The following FRMD5 variants were observed in gnomAD, a reference collection of about 807,000 sequenced individuals.
The protein encoded by FRMD5 is FERM domain containing 5.
Under a neutral mutation model 69.0 loss-of-function variants are expected in FRMD5, and 20 were observed. The ratio of observed to expected loss-of-function variants is 0.29; its 90% CI spans 0.20 to 0.42. The LOEUF (loss-of-function observed/expected upper bound fraction) is 0.42. Ranked by LOEUF, FRMD5 falls within the 10% of genes least tolerant of loss-of-function variation. FRMD5 has a pLI of 1.00. For synonymous variants in FRMD5, 271 were observed against 260.1 expected (o/e 1.04, Z -0.40); for missense variants, 595 against 708.6 (o/e 0.84, Z 1.82).
chr15:43,999,359 C>G (rs984182095), intron 1 of FRMD5, among the ~76,000 whole-genome samples: 3 of 152,274 alleles, frequency 2.0e-5, no homozygotes, highest in Middle Eastern at 3.4e-3. Flanking sequence ...TGAGCCACCG[C>G]ACTCAGCCTT....
intron 1 of FRMD5, among the ~76,000 whole-genome samples, chr15:44,023,777 AT>A (rs1359482316): frequency 1.3e-5 from 2 of 152,230 alleles, no homozygotes; most frequent in African/African-American, 4.8e-5. Flanking sequence ...AAAATGGATC[AT>A]TTTAAAGCTC....
Position 43,939,041 on chromosome 15 carries a change from T to G in FRMD5, c.103-14732A>C, listed in dbSNP as rs2089814876. ...CACATCCGGCTAATTTTTTTTTTTT[T>G]TGTATTTTTAGTAGAGATGGAGTTT... is the stretch of plus-strand genomic sequence containing the variant. On this transcript the variant is annotated intron_variant, in intron 1 of 13. Transcript: ENST00000417257. Among the ~76,000 whole-genome samples the G allele has an allele frequency of 2.0e-5, 3 of 151,934 alleles. No individual in the cohort carries two copies. The South Asian group carries it at 6.3e-4, about 32-fold the overall frequency.
intron 1 of FRMD5, among the ~76,000 whole-genome samples, chr15:43,976,572 C>G (rs958865474): frequency 1.3e-5 from 2 of 152,192 alleles, no homozygotes; most frequent in Non-Finnish European, 2.9e-5. Flanking sequence ...AATGGCCAAA[C>G]AGGTTTATTT....
intron 1 of FRMD5, among the ~76,000 whole-genome samples, chr15:44,045,037 G>A (rs1015800419): frequency 1.3e-5 from 2 of 152,160 alleles, no homozygotes; most frequent in African/African-American, 2.4e-5. Context: ...AAATAAAACT[G>A]TGACACATAA....
intron 5 of FRMD5, among the ~76,000 whole-genome samples, chr15:43,909,564 G>A (rs375257674): frequency 5.9e-5 from 9 of 152,034 alleles, no homozygotes; most frequent in African/African-American, 2.2e-4. Flanking sequence ...CACTGCAACC[G>A]CCACCTCCTG....
At chr15:44,138,962 T>TCC (rs1251940313) in intron 1 of FRMD5, among the ~76,000 whole-genome samples, 1 of 151,762 alleles carries the variant, frequency 6.6e-6, no homozygotes, top group African/African-American at 2.4e-5. Context: ...GAGTGGGGAG[T>TCC]AGGCCAGCAC....
intron 1 of FRMD5, among the ~76,000 whole-genome samples, chr15:44,085,092 T>C (rs1399610619): frequency 6.6e-6 from 1 of 152,206 alleles, no homozygotes; most frequent in African/African-American, 2.4e-5. Flanking sequence ...GTCATTTATA[T>C]AGATTCTTAT....
rs573172140 is a variant in FRMD5 at position 44,105,745 on chromosome 15, C to T, written c.102+89208G>A. 1.3e-5 allele frequency among the ~76,000 whole-genome samples: 2 copies of T among 152,182 alleles called. 1 individual carries two copies. The highest frequency in any genetic ancestry group is 4.8e-5 in the African/African-American group (2 of 41,532). ...CAACTTAGTCTTTAAAAAAATGGAC[C>T]TATTTTTTACCTTCATTAGCTTCGA... On this transcript the variant is annotated intron_variant, in intron 1 of 13. Transcript: ENST00000417257.
intron 7 of FRMD5, among the ~76,000 whole-genome samples, chr15:43,897,667 C>A (rs1475783941): frequency 1.3e-5 from 2 of 152,048 alleles, no homozygotes; most frequent in East Asian, 3.9e-4. Flanking sequence ...CTGTTGAAAT[C>A]AATTTTATCC....
At chr15:44,018,311 T>C (rs991106003) in intron 1 of FRMD5, among the ~76,000 whole-genome samples, 1 of 152,174 alleles carries the variant, frequency 6.6e-6, no homozygotes, top group Non-Finnish European at 1.5e-5. Flanking sequence ...TATACACCAA[T>C]CTGTTTGTTT....
At position 43,884,955 on chromosome 15, in the gene FRMD5, G is replaced by A. The variant is rs1010519349; in HGVS notation, c.960-160C>T. 13 of 605,996 alleles carry A rather than the reference G, an allele frequency of 2.1e-5. No individual in the cohort carries two copies. The East Asian group carries it at 3.6e-4, about 17-fold the overall frequency. 37.5% of individuals were successfully genotyped at this position (605,996 alleles called of 1,614,324 possible). On this transcript the variant is annotated intron_variant, in intron 11 of 13. Coordinates refer to ENST00000417257, the MANE Select transcript of FRMD5 (RefSeq NM_032892.5). ...CATGGAGAAAGGCTTGCTTGGTGGG[G>A]TAGACTTCTAAACTGTCATGACAGC...
At chr15:44,102,595 T>A (rs975338503) in intron 1 of FRMD5, among the ~76,000 whole-genome samples, 16 of 152,332 alleles carry the variant, frequency 1.1e-4, no homozygotes, top group African/African-American at 3.8e-4. Flanking sequence ...TTAAATATAG[T>A]GTTTGTTTGA....
intron 1 of FRMD5, among the ~76,000 whole-genome samples, chr15:43,985,639 G>A (rs1889359494): frequency 6.6e-6 from 1 of 152,196 alleles, no homozygotes; most frequent in African/African-American, 2.4e-5. Flanking sequence ...AGGATGAGCT[G>A]GCTGGGTGAA....
Position 43,879,865 on chromosome 15 carries a change from T to C in FRMD5, c.1135+3838A>G, listed in dbSNP as rs2140344873. The C allele has an allele frequency of 5.2e-6, 2 of 386,216 alleles. 1 individual carries two copies. Among genetic ancestry groups the C allele is most frequent in the South Asian group, 2.9e-4 (2 of 6,912 alleles). 23.9% of individuals were successfully genotyped at this position (386,216 alleles called of 1,614,324 possible). On this transcript the variant is annotated intron_variant, in intron 13 of 13. Coordinates refer to ENST00000417257, the MANE Select transcript of FRMD5 (RefSeq NM_032892.5). ...CAGGGAGAAGGTCACCTCCCCAAGC[T>C]TCACATCAGGCTGAACTGCAGGGAA...
At chr15:43,929,626 T>C (rs2089641440) in intron 1 of FRMD5, among the ~76,000 whole-genome samples, 1 of 151,986 alleles carries the variant, frequency 6.6e-6, no homozygotes, top group Non-Finnish European at 1.5e-5. Flanking sequence ...TTACAGAAAG[T>C]GGGCACCCGT....
chr15:44,141,966 C>A (rs1473723897), intron 1 of FRMD5, among the ~76,000 whole-genome samples: 1 of 152,138 alleles, frequency 6.6e-6, no homozygotes, highest in Non-Finnish European at 1.5e-5. Context: ...TACATCTACT[C>A]ATTGCTGTCA....
intron 1 of FRMD5, among the ~76,000 whole-genome samples, chr15:44,116,005 T>C (rs1421474037): frequency 6.6e-6 from 1 of 152,112 alleles, no homozygotes; most frequent in African/African-American, 2.4e-5. Flanking sequence ...TCCAACCTAT[T>C]GCTTGTTAAT....
At chr15:44,156,877 A>G (rs1023446237) in intron 1 of FRMD5, among the ~76,000 whole-genome samples, 9 of 152,160 alleles carry the variant, frequency 5.9e-5, no homozygotes, top group African/African-American at 1.7e-4. Context: ...GACCAGCCTG[A>G]GCAACATAGA....
chr15:43,912,768 A>G (rs1013510762), intron 4 of FRMD5, among the ~76,000 whole-genome samples: 1 of 151,498 alleles, frequency 6.6e-6, no homozygotes, highest in Non-Finnish European at 1.5e-5. Flanking sequence ...CTGTAATCCC[A>G]GCACTTTGGG....
Sources: gnomAD v4.1 joint callset for allele counts (sites outside exome capture counted in the v4.1 genomes callset) on GRCh38, gnomAD v4.1.1 for gene constraint, MANE v1.5 for transcripts, NCBI Gene and HGNC (gene_info 2026-07-23, HGNC 2026-07-21) for gene names.